Variants in SEZ6 observed in about 807,000 individuals in gnomAD.
SEZ6 encodes seizure protein 6 homolog.
SEZ6 carries 53 observed loss-of-function variants against 101.0 expected under a neutral mutation model. The ratio of observed to expected loss-of-function variants is 0.52; its 90% CI spans 0.42 to 0.66. The LOEUF (loss-of-function observed/expected upper bound fraction) is 0.66, where lower values mean the gene tolerates loss of function less well. Among genes scored for constraint, SEZ6 ranks in the 30% least tolerant of loss-of-function variants. SEZ6 has a pLI of 0.00. For synonymous variants in SEZ6, 488 were observed against 512.2 expected, an observed-to-expected ratio of 0.95 and a Z score of 0.64; for missense variants, 1,102 against 1,289.4, an observed-to-expected ratio of 0.85 and a Z score of 2.23.
Position 28,959,003 on chromosome 17 carries a change from A to T in SEZ6, c.2107+22T>A. 6.3e-7 allele frequency: 1 copy of T among 1,594,000 alleles called. No homozygotes were observed. The highest frequency in any genetic ancestry group is 8.6e-7 in the Non-Finnish European group (1 of 1,168,216). Reference sequence around the variant, plus strand: ...GCCATGGCTTGCTGTCTGCACTCTGAGTGGGGTAGGGACAAGCTCACCAAA... The same window carrying T: ...GCCATGGCTTGCTGTCTGCACTCTGTGTGGGGTAGGGACAAGCTCACCAAA... On this transcript the variant is annotated intron_variant, in intron 10 of 16. Coordinates refer to ENST00000317338, the MANE Select transcript of SEZ6 (RefSeq NM_178860.5). The surrounding 1 kb of genome is among the most constrained non-coding windows in gnomAD (Gnocchi z 4.4).
Position 29,005,754 on chromosome 17 carries a change from T to G in SEZ6, c.55+61A>C, listed in dbSNP as rs1453930453. On this transcript the variant is annotated intron_variant, in intron 1 of 16. Transcript: ENST00000317338. This position sits in a 1 kb window ranked among gnomAD's most constrained non-coding sequence, Gnocchi z 4.8. ...CCCGAAGCTGGGCACCGGGTCTCCCTTCCCACCCCTGGGGCCCCGCTCCCG... is the reference window on the plus strand; with the variant it reads ...CCCGAAGCTGGGCACCGGGTCTCCCGTCCCACCCCTGGGGCCCCGCTCCCG... The G allele has an allele frequency of 6.9e-7, 1 of 1,451,236 alleles. No homozygotes were observed. The allele number at this position is 1,451,236 out of a possible 1,614,324, so 89.9% of individuals were successfully genotyped here. A position where few individuals can be genotyped will look rare whatever the true frequency, so the allele number is the denominator to read the frequency against.
chr17:29,004,518 G>T (rs1329111560), intron 1 of SEZ6, among the ~76,000 whole-genome samples: 1 of 152,214 alleles, frequency 6.6e-6, no homozygotes, highest in Non-Finnish European at 1.5e-5. Flanking sequence ...TGGAGCTAGA[G>T]GCTCAGAAAA....
Position 28,955,433 on chromosome 17 carries a change from G to C in SEZ6, c.*529C>G. On this transcript the variant is annotated 3_prime_UTR_variant, in exon 17 of 17. Coordinates refer to ENST00000317338, the MANE Select transcript of SEZ6 (RefSeq NM_178860.5). ...GGAGGCAGAACTGTCCAGAACTTTA[G>C]AGAACTAGAGACCTCCCAAGAGGCT... is the stretch of plus-strand genomic sequence containing the variant. 1 of 352,164 alleles carries C rather than the reference G, an allele frequency of 2.8e-6. No homozygotes were observed. Among genetic ancestry groups the C allele is most frequent in the South Asian group, 2.1e-5 (1 of 46,938 alleles). 21.8% of individuals were successfully genotyped at this position (352,164 alleles called of 1,614,324 possible). A position where few individuals can be genotyped will look rare whatever the true frequency, so the allele number is the denominator to read the frequency against.
chr17:29,003,877 TAGTC>T (rs66535579), intron 1 of SEZ6, among the ~76,000 whole-genome samples: 16,690 of 152,138 alleles, frequency 0.11, 1,012 homozygotes, highest in South Asian at 0.24. Context: ...GAGATCCTGA[TAGTC>T]AGGAAGGGAC....
intron 1 of SEZ6, among the ~76,000 whole-genome samples, chr17:28,987,115 G>A (rs1395658452): frequency 6.6e-6 from 1 of 152,192 alleles, no homozygotes; most frequent in African/African-American, 2.4e-5. Context: ...CACTCCTCTG[G>A]GTTCCAGAGG....
At chr17:28,966,114 G>C (rs1434260393) in intron 4 of SEZ6, among the ~76,000 whole-genome samples, 2 of 151,276 alleles carry the variant, frequency 1.3e-5, no homozygotes, top group Non-Finnish European at 2.9e-5. Flanking sequence ...TTGCACTCCA[G>C]CCTGGGCGAC....
chr17:28,968,184 G>A (rs2041099506), intron 4 of SEZ6, among the ~76,000 whole-genome samples: 1 of 152,186 alleles, frequency 6.6e-6, no homozygotes, highest in African/African-American at 2.4e-5. Flanking sequence ...TTGCGTGTGA[G>A]CACACGCTCC....
Position 28,960,530 on chromosome 17 carries a change from A to G in SEZ6, c.1551T>C (p.Ala517=), listed in dbSNP as rs1487144138. 1.3e-6 allele frequency: 2 copies of G among 1,593,792 alleles called. No homozygotes were observed. Among genetic ancestry groups the G allele is most frequent in the East Asian group, 2.3e-5 (1 of 43,658 alleles). ...VELSTDSSGA[A]AGMALRYEAF... The stretch of plus-strand genomic sequence containing the variant: ...CCTCATAGCGCAGGGCCATGCCTGC[A>G]GCTGCCCCGCTGCTGTCAGTACTGA... Residue 517 remains alanine, a synonymous_variant, in exon 7 of 17, where the codon GCT becomes GCC. Transcript: ENST00000317338.
At chr17:28,993,823 C>T (rs1181268110) in intron 1 of SEZ6, among the ~76,000 whole-genome samples, 1 of 152,254 alleles carries the variant, frequency 6.6e-6, no homozygotes, top group Non-Finnish European at 1.5e-5. Context: ...AAAGGCCACA[C>T]CACTGAGGCT....
At chr17:28,996,395 G>T (rs989844497) in intron 1 of SEZ6, among the ~76,000 whole-genome samples, 2 of 152,080 alleles carry the variant, frequency 1.3e-5, no homozygotes, top group African/African-American at 4.8e-5. Context: ...AAGGGGCCCC[G>T]CCCACCCAGC....
At chr17:28,956,813 T>G in intron 13 of SEZ6, 56 bp from the exon 14 acceptor site, 1 of 1,537,502 alleles carries the variant, frequency 6.5e-7, no homozygotes. Flanking sequence ...GCCAAACCAC[T>G]AAGGCAGGGA....
At chr17:28,979,924 TGG>T (rs1491225245) in intron 2 of SEZ6, 111 bp from the exon 3 acceptor site, 2 of 1,000,030 alleles carry the variant, frequency 2.0e-6, no homozygotes, top group East Asian at 5.8e-5. Flanking sequence ...TGTGTGTGTG[TGG>T]TGAAGACCAC....
chr17:28,959,835 C>G lies in SEZ6; in HGVS notation c.1634G>C (p.Ser545Thr), dbSNP rs1283983885. 1 of 1,613,698 alleles carries G rather than the reference C, an allele frequency of 6.2e-7. No homozygotes were observed. The highest frequency in any genetic ancestry group is 1.7e-5 in the Admixed American group (1 of 59,964). Residue 545 changes from serine to threonine, a missense_variant, in exon 8 of 17, where the codon AGC (serine) becomes ACC (threonine). Coordinates refer to ENST00000317338, the MANE Select transcript of SEZ6 (RefSeq NM_178860.5). This position sits in a 1 kb window ranked among gnomAD's most constrained non-coding sequence, Gnocchi z 4.4. Reference protein sequence around the residue: ...PFVKYGNFSSSTPTYPVGTTV... With the variant: ...PFVKYGNFSSTTPTYPVGTTV... ...GGTACCCACAGGGTAGGTGGGTGTG[C>G]TGCTGCTGAAGTTACCGTATTTGAC...
chr17:28,982,712 G>A (rs1265534704), intron 1 of SEZ6, among the ~76,000 whole-genome samples: 7 of 152,052 alleles, frequency 4.6e-5, no homozygotes, highest in Non-Finnish European at 1.5e-5. Flanking sequence ...GCAATGCAGT[G>A]GTGTGATCAT....
intron 3 of SEZ6, among the ~76,000 whole-genome samples, chr17:28,976,842 T>C (rs1050689541): frequency 3.9e-5 from 6 of 152,192 alleles, no homozygotes; most frequent in African/African-American, 1.4e-4. Flanking sequence ...TGGCTTCTCA[T>C]CCTACAGGTC....
intron 1 of SEZ6, among the ~76,000 whole-genome samples, chr17:29,001,577 C>G (rs72852218): frequency 6.6e-6 from 1 of 151,986 alleles, no homozygotes; most frequent in East Asian, 1.9e-4. Flanking sequence ...CAGATTGGTC[C>G]GGGAGGGGAA....
At chr17:28,975,801 C>T (rs2041212696) in intron 3 of SEZ6, among the ~76,000 whole-genome samples, 1 of 152,254 alleles carries the variant, frequency 6.6e-6, no homozygotes, top group Non-Finnish European at 1.5e-5. Context: ...ACAGAGCCAC[C>T]TGGGGCACGA....
chr17:28,956,923 G>A lies in SEZ6; in HGVS notation c.2692+122C>T, dbSNP rs931569686. Reference sequence around the variant, plus strand: ...AGGTCAGAAGGATCTGGCAGAGACTGGGGAGACCAAGGGTAACATGAAGGT... The same window carrying A: ...AGGTCAGAAGGATCTGGCAGAGACTAGGGAGACCAAGGGTAACATGAAGGT... On this transcript the variant is annotated intron_variant, in intron 13 of 16. Transcript: ENST00000317338. 15 of 1,351,682 alleles carry A rather than the reference G, an allele frequency of 1.1e-5. No homozygotes were observed. In the African/African-American group the frequency reaches 1.9e-4, roughly 17 times the overall value. 83.7% of individuals were successfully genotyped at this position (1,351,682 alleles called of 1,614,324 possible). A position where few individuals can be genotyped will look rare whatever the true frequency, so the allele number is the denominator to read the frequency against.
chr17:28,989,398 C>T (rs999779773), intron 1 of SEZ6, among the ~76,000 whole-genome samples: 20 of 152,306 alleles, frequency 1.3e-4, no homozygotes, highest in Admixed American at 8.5e-4. Context: ...GATGAGGACA[C>T]TGAGACCCAG....
Sources: gnomAD v4.1 joint callset for allele counts (sites outside exome capture counted in the v4.1 genomes callset) on GRCh38, gnomAD v4.1.1 for gene constraint, Gnocchi (gnomAD v3.1) non-coding constraint, MANE v1.5 for transcripts, NCBI Gene and HGNC (gene_info 2026-07-23, HGNC 2026-07-21) for gene names.